The following ERRFI1 variants were observed in gnomAD, a reference collection of about 807,000 sequenced individuals.
ERRFI1 encodes mitogen-inducible gene 6 protein.
Under a neutral mutation model 14.6 loss-of-function variants are expected in ERRFI1, and 12 were observed. The observed-to-expected ratio is 0.82, with a 90% CI of 0.53 to 1.33. ERRFI1 has a LOEUF of 1.33. ERRFI1 is among the 40% of genes most tolerant of loss of function. The pLI, the probability that ERRFI1 is intolerant of heterozygous loss-of-function variation, is 0.00. For synonymous variants in ERRFI1, 202 were observed against 209.9 expected (o/e 0.96, Z 0.32); for missense variants, 482 against 572.1 (o/e 0.84, Z 1.61).
intron 1 of ERRFI1, among the ~76,000 whole-genome samples, chr1:8,024,846 C>T (rs1641322134): frequency 6.6e-6 from 1 of 152,148 alleles, no homozygotes; most frequent in South Asian, 2.1e-4. Context: ...TTGCTGATAC[C>T]TAGCCTGTCT....
chr1:8,014,194 G>A lies in ERRFI1; in HGVS notation c.405C>T (p.Asn135=). 6.2e-7 allele frequency: 1 copy of A among 1,614,140 alleles called. No homozygotes were observed. The highest frequency in any genetic ancestry group is 8.5e-7 in the Non-Finnish European group (1 of 1,180,024). Residue 135 remains asparagine (N), a synonymous_variant, in exon 4 of 4, where the codon AAC becomes AAT. Coordinates refer to ENST00000377482, the MANE Select transcript of ERRFI1 (RefSeq NM_018948.4). ...GGGCACAGGGGAAAAGGGAAGGGGA[G>A]TTTTTTATGGGTGTCAGTGGAGGGG... The part of the protein sequence containing the change: ...ASTPPLTPIK[N]SPSLFPCAPL...
At position 8,014,186 on chromosome 1, in the gene ERRFI1, G is replaced by T; in HGVS notation, c.413C>A (p.Ser138Tyr). The change falls in exon 4 of 4, where the codon TCC becomes TAC. Residue 138 changes from serine to tyrosine, a missense_variant. Transcript: ENST00000377482. Reference sequence around the variant, plus strand: ...ACAAAGAGGGGCACAGGGGAAAAGGGAAGGGGAGTTTTTTATGGGTGTCAG... The same window carrying T: ...ACAAAGAGGGGCACAGGGGAAAAGGTAAGGGGAGTTTTTTATGGGTGTCAG... The part of the protein sequence containing the change: ...PPLTPIKNSP[S>Y]LFPCAPLCER... The T allele has an allele frequency of 6.2e-7, 1 of 1,614,200 alleles. No individual in the cohort carries two copies.
intron 1 of ERRFI1, among the ~76,000 whole-genome samples, chr1:8,021,403 G>C (rs577001244): frequency 1.3e-5 from 2 of 152,252 alleles, no homozygotes; most frequent in African/African-American, 4.8e-5. Context: ...ACATTCTTTT[G>C]TCCTTTGTAT....
chr1:8,017,672 G>T (rs1266470157), intron 1 of ERRFI1, among the ~76,000 whole-genome samples: 6 of 152,198 alleles, frequency 3.9e-5, no homozygotes, highest in African/African-American at 1.4e-4. Context: ...AAGATAGGAA[G>T]AATATGGTAT....
chr1:8,025,529 G>C (rs756878119), intron 1 of ERRFI1, among the ~76,000 whole-genome samples: 2 of 152,210 alleles, frequency 1.3e-5, no homozygotes, highest in Non-Finnish European at 2.9e-5. Flanking sequence ...ATTAGGCAGA[G>C]GGAGCGGGGC....
Position 8,013,166 on chromosome 1 carries a change from C to A in ERRFI1, c.*44G>T. 1.3e-6 allele frequency: 2 copies of A among 1,497,880 alleles called. No homozygotes were observed. Among genetic ancestry groups the A allele is most frequent in the Admixed American group, 2.2e-5 (1 of 44,894 alleles). The allele number at this position is 1,497,880 out of a possible 1,614,324, so 92.8% of individuals were successfully genotyped here. The stretch of plus-strand genomic sequence containing the variant: ...TTCAATCAAACTGGAAAATTGAGAA[C>A]CATTTGCTCCTATGTAACCTCTGCT... On this transcript the variant is annotated 3_prime_UTR_variant, in exon 4 of 4. Transcript: ENST00000377482. This position sits in a 1 kb window ranked among gnomAD's most constrained non-coding sequence, Gnocchi z 4.3.
At position 8,013,978 on chromosome 1, in the gene ERRFI1, G is replaced by T. The variant is rs780200113; in HGVS notation, c.621C>A (p.Ile207=). The T allele has an allele frequency of 4.3e-6, 7 of 1,614,148 alleles. No homozygotes were observed. The Admixed American group carries it at 1.2e-4, about 27-fold the overall frequency. ...CTGGGGTATCAAAATATGCATAGTT[G>T]ATTTGTCCACACCCACGGAAGCTTC... ...GRRSFRGCGQ[I]NYAYFDTPAV... is the part of the protein sequence containing the mutation. Residue 207 remains isoleucine, a synonymous_variant, in exon 4 of 4, where the codon ATC becomes ATA. Coordinates refer to ENST00000377482, the MANE Select transcript of ERRFI1 (RefSeq NM_018948.4). This position sits in a 1 kb window ranked among gnomAD's most constrained non-coding sequence, Gnocchi z 4.3.
chr1:8,016,913 G>GTT (rs201522773), intron 1 of ERRFI1, among the ~76,000 whole-genome samples: 5 of 138,244 alleles, frequency 3.6e-5, no homozygotes, highest in Admixed American at 7.2e-5. Context: ...TTTTTTTTTT[G>GTT]TTTTTTTTTT....
intron 3 of ERRFI1, chr1:8,015,092 C>T: frequency 1.8e-6 from 1 of 555,162 alleles, no homozygotes; most frequent in Non-Finnish European, 3.2e-6. Context: ...ATGAACAGTC[C>T]TACTTAGCAA....
intron 1 of ERRFI1, among the ~76,000 whole-genome samples, chr1:8,025,217 A>G (rs1641326879): frequency 6.6e-6 from 1 of 152,188 alleles, no homozygotes; most frequent in Admixed American, 6.5e-5. Context: ...CAGGTAAGAG[A>G]CTGGTTTCTT....
intron 3 of ERRFI1, 35 bp from the exon 4 acceptor site, chr1:8,014,431 C>A: frequency 6.6e-7 from 1 of 1,522,158 alleles, no homozygotes; most frequent in Non-Finnish European, 8.8e-7. Context: ...AAAAGATCAA[C>A]AATCCTCTCT....
intron 1 of ERRFI1, among the ~76,000 whole-genome samples, chr1:8,019,087 GACT>G (rs556763918): frequency 6.6e-6 from 1 of 152,150 alleles, no homozygotes; most frequent in Non-Finnish European, 1.5e-5. Flanking sequence ...AAGTTCCACA[GACT>G]ACTTTTACAT....
rs41278968 is a variant in ERRFI1 at position 8,012,675 on chromosome 1, T to C, written c.*535A>G. ...GATACCCTGCCCTCCATGGAAAAGATTGCCTGCAAAAATAAATGGAACAAA... is the reference window on the plus strand; with the variant it reads ...GATACCCTGCCCTCCATGGAAAAGACTGCCTGCAAAAATAAATGGAACAAA... On this transcript the variant is annotated 3_prime_UTR_variant, in exon 4 of 4. Coordinates refer to ENST00000377482, the MANE Select transcript of ERRFI1 (RefSeq NM_018948.4). 0.01 allele frequency: 2,298 copies of C among 229,602 alleles called. 21 individuals carry two copies. Among genetic ancestry groups the C allele is most frequent in the Middle Eastern group, 0.02 (15 of 754 alleles). 14.2% of individuals were successfully genotyped at this position (229,602 alleles called of 1,614,324 possible).
chr1:8,019,526 C>T (rs1183274209), intron 1 of ERRFI1, among the ~76,000 whole-genome samples: 1 of 152,114 alleles, frequency 6.6e-6, no homozygotes. Context: ...TTTATGCTTT[C>T]CCCCTGTAGA....
chr1:8,019,029 C>CT (rs1225028244), intron 1 of ERRFI1, among the ~76,000 whole-genome samples: 1 of 152,196 alleles, frequency 6.6e-6, no homozygotes, highest in African/African-American at 2.4e-5. Context: ...GAGGATCACA[C>CT]TTCTCAAGGC....
In ERRFI1 at chr1:8,011,842, T is replaced by G. The variant is rs924196096; in HGVS notation, c.*1368A>C. Reference sequence around the variant, plus strand: ...ACACATAATGCAGAAATCAGTGCATTTTTCTTAAGCATGTTTTAACCTTCA... The same window carrying G: ...ACACATAATGCAGAAATCAGTGCATGTTTCTTAAGCATGTTTTAACCTTCA... On this transcript the variant is annotated 3_prime_UTR_variant, in exon 4 of 4. Transcript: ENST00000377482. 7 of 218,748 alleles carry G rather than the reference T, an allele frequency of 3.2e-5. No individual in the cohort carries two copies. The highest frequency in any genetic ancestry group is 1.3e-4 in the African/African-American group (6 of 44,748). 13.6% of individuals were successfully genotyped at this position (218,748 alleles called of 1,614,324 possible). A position where few individuals can be genotyped will look rare whatever the true frequency, so the allele number is the denominator to read the frequency against.
In ERRFI1 at chr1:8,012,243, ATGTT is replaced by A. The variant is rs1641095734; in HGVS notation, c.*963_*966del. 1 of 228,186 alleles carries A rather than the reference ATGTT, an allele frequency of 4.4e-6. No homozygotes were observed. Among genetic ancestry groups the A allele is most frequent in the South Asian group, 1.8e-4 (1 of 5,470 alleles). 14.1% of individuals were successfully genotyped at this position (228,186 alleles called of 1,614,324 possible). ...GCAACACAAGGCCAGCTTGTGTTGT[ATGTT>A]TATTAATACAGTCTAAAAAAAAAAA... On this transcript the variant is annotated 3_prime_UTR_variant, in exon 4 of 4. Transcript: ENST00000377482.
chr1:8,014,746 T>A (rs1641147754), intron 3 of ERRFI1: 1 of 254,390 alleles, frequency 3.9e-6, no homozygotes, highest in Non-Finnish European at 7.5e-6. Context: ...CCTTGCCATT[T>A]AAGACATGCG....
At chr1:8,015,280 A>C in intron 3 of ERRFI1, 28 bp downstream of exon 3, 1 of 1,592,918 alleles carries the variant, frequency 6.3e-7, no homozygotes, top group Non-Finnish European at 8.6e-7. Flanking sequence ...TCAAATGCTT[A>C]CTGTGATCAG....
Sources: gnomAD v4.1 joint callset for allele counts (sites outside exome capture counted in the v4.1 genomes callset) on GRCh38, gnomAD v4.1.1 for gene constraint, Gnocchi (gnomAD v3.1) non-coding constraint, MANE v1.5 for transcripts, NCBI Gene and HGNC (gene_info 2026-07-23, HGNC 2026-07-21) for gene names.